SPICE1: variants seen among roughly 807,000 people sequenced by gnomAD.
SPICE1 encodes the protein spindle and centriole associated protein 1, also known as spindle and centriole-associated protein 1.
Under a neutral mutation model 102.7 loss-of-function variants are expected in SPICE1, and 75 were observed. The ratio of observed to expected loss-of-function variants is 0.73; its 90% CI spans 0.61 to 0.88. SPICE1 has a LOEUF of 0.88. SPICE1 is among the 40% of genes least tolerant of loss of function. The pLI is 0.00. For missense variants in SPICE1, 979 were observed against 1,020.1 expected (o/e 0.96, Z 0.55); for synonymous variants, 308 against 350.3 (o/e 0.88, Z 1.35).
chr3:113,460,177 T>A (rs895151419), intron 12 of SPICE1: 2 of 985,328 alleles, frequency 2.0e-6, no homozygotes, highest in Non-Finnish European at 2.4e-6. Flanking sequence ...ACAAAAGTTA[T>A]GAATTTCTAA....
rs917258539 is a variant in SPICE1 at position 113,445,127 on chromosome 3, T to G, written c.*180A>C. On this transcript the variant is annotated 3_prime_UTR_variant, in exon 18 of 18. Coordinates refer to ENST00000295872, the MANE Select transcript of SPICE1 (RefSeq NM_144718.4). ...CACAGGGAGCTGTAGGTCAGTTGGT[T>G]GTTGAAAACTTATTTGAGAAAGTCA... 1.3e-5 allele frequency: 6 copies of G among 467,054 alleles called. No homozygotes were observed. The highest frequency in any genetic ancestry group is 1.2e-4 in the African/African-American group (6 of 50,268). 28.9% of individuals were successfully genotyped at this position (467,054 alleles called of 1,614,324 possible).
rs1460017390 is a variant in SPICE1 at position 113,457,160 on chromosome 3, A to C, written c.1633T>G (p.Leu545Val). 1.9e-6 allele frequency: 3 copies of C among 1,614,200 alleles called. No homozygotes were observed. Among genetic ancestry groups the C allele is most frequent in the Non-Finnish European group, 2.5e-6 (3 of 1,180,038 alleles). ...CCGTCCTGAAGAGGAGAGAATTTTAAGTTGCTCTTCTGCCTGGGTGGTGTT... is the reference window on the plus strand; with the variant it reads ...CCGTCCTGAAGAGGAGAGAATTTTACGTTGCTCTTCTGCCTGGGTGGTGTT... ...LLTPPRQKSN[L>V]KFSPLQDVLR... Residue 545 changes from leucine (L) to valine (V), a missense_variant, in exon 13 of 18, where the codon TTA becomes GTA. Transcript: ENST00000295872.
At chr3:113,474,062 C>A in intron 7 of SPICE1, among the ~76,000 whole-genome samples, 1 of 151,964 alleles carries the variant, frequency 6.6e-6, no homozygotes, top group Admixed American at 6.5e-5. Context: ...CAGAGACACA[C>A]ATAGGCTCAA....
chr3:113,507,598 T>C (rs1348255570), intron 1 of SPICE1, among the ~76,000 whole-genome samples: 1 of 152,120 alleles, frequency 6.6e-6, no homozygotes, highest in East Asian at 1.9e-4. Context: ...AACAAGAACA[T>C]TCACTCCTTA....
intron 7 of SPICE1, among the ~76,000 whole-genome samples, chr3:113,471,585 G>A (rs964063669): frequency 5.9e-5 from 9 of 152,276 alleles, no homozygotes; most frequent in African/African-American, 2.2e-4. Flanking sequence ...GTTGTTTTAA[G>A]CCACCAAACT....
intron 7 of SPICE1, among the ~76,000 whole-genome samples, chr3:113,479,388 G>T (rs1166189688): frequency 3.3e-5 from 5 of 151,644 alleles, no homozygotes; most frequent in Non-Finnish European, 5.9e-5. Flanking sequence ...TTGGACATTT[G>T]GGTTGGTTCC....
In SPICE1 at chr3:113,443,656, G is replaced by T. The variant is rs928844523; in HGVS notation, c.*1651C>A. On this transcript the variant is annotated 3_prime_UTR_variant, in exon 18 of 18. Transcript: ENST00000295872. ...CCATACTACACACACTGTAAAACAG[G>T]TTTACTCTCCAACAAGAGGCAGCAC... is the stretch of plus-strand genomic sequence containing the variant. 6.6e-6 allele frequency: 1 copy of T among 152,138 alleles called. No individual in the cohort carries two copies. Among genetic ancestry groups the T allele is most frequent in the African/African-American group, 2.4e-5 (1 of 41,416 alleles). The allele number at this position is 152,138 out of a possible 1,614,324, so 9.4% of individuals were successfully genotyped here. A position where few individuals can be genotyped will look rare whatever the true frequency, so the allele number is the denominator to read the frequency against.
intron 13 of SPICE1, 59 bp from the exon 14 acceptor site, chr3:113,454,009 T>C: frequency 2.1e-6 from 3 of 1,428,774 alleles, no homozygotes; most frequent in Non-Finnish European, 2.8e-6. Flanking sequence ...ATTGGCACTA[T>C]ACTCATTTCA....
intron 4 of SPICE1, among the ~76,000 whole-genome samples, chr3:113,495,065 GT>G (rs1553769911): frequency 6.6e-6 from 1 of 152,122 alleles, no homozygotes; most frequent in African/African-American, 2.4e-5. Flanking sequence ...AAACAAATCA[GT>G]TTTTTACCCT....
chr3:113,443,373 C>A lies in SPICE1; in HGVS notation c.*1934G>T, dbSNP rs1324890206. The A allele has an allele frequency of 1.3e-5, 2 of 152,166 alleles. No homozygotes were observed. Among genetic ancestry groups the A allele is most frequent in the Non-Finnish European group, 2.9e-5 (2 of 68,042 alleles). The allele number at this position is 152,166 out of a possible 1,614,324, so 9.4% of individuals were successfully genotyped here. On this transcript the variant is annotated 3_prime_UTR_variant, in exon 18 of 18. Transcript: ENST00000295872. Reference sequence around the variant, plus strand: ...TAGTTCCCGTAAATTAGGAGAAATCCAGTAACTGCAAGAAAGAGCTTCAAG... The same window carrying A: ...TAGTTCCCGTAAATTAGGAGAAATCAAGTAACTGCAAGAAAGAGCTTCAAG...
rs1935479484 is a variant in SPICE1, at chr3:113,445,021, T to C, written c.*286A>G. ...CTGAATAAAGATAAAGGTAAAAATG[T>C]ATTAATAAAAAAAACCCTTAAAATA... On this transcript the variant is annotated 3_prime_UTR_variant, in exon 18 of 18. Coordinates refer to ENST00000295872, the MANE Select transcript of SPICE1 (RefSeq NM_144718.4). The C allele has an allele frequency of 8.9e-6, 2 of 224,238 alleles. No homozygotes were observed. The highest frequency in any genetic ancestry group is 1.7e-5 in the Non-Finnish European group (2 of 116,206). The allele number at this position is 224,238 out of a possible 1,614,324, so 13.9% of individuals were successfully genotyped here. A position where few individuals can be genotyped will look rare whatever the true frequency, so the allele number is the denominator to read the frequency against.
intron 2 of SPICE1, among the ~76,000 whole-genome samples, chr3:113,504,324 G>A (rs967829406): frequency 4.0e-5 from 6 of 150,108 alleles, no homozygotes; most frequent in Non-Finnish European, 7.4e-5. Context: ...CGAGGAATAC[G>A]AACAGTCAAA....
chr3:113,482,805 C>T (rs936307692), intron 7 of SPICE1, among the ~76,000 whole-genome samples: 8 of 152,192 alleles, frequency 5.3e-5, no homozygotes, highest in South Asian at 2.1e-4. Flanking sequence ...TTGGTTACTG[C>T]AGCCTTGTAG....
chr3:113,488,425 C>A (rs1485889693), intron 7 of SPICE1, among the ~76,000 whole-genome samples: 1 of 151,862 alleles, frequency 6.6e-6, no homozygotes, highest in Non-Finnish European at 1.5e-5. Context: ...CACTCACACA[C>A]AAAAAAAATA....
chr3:113,510,766 T>C (rs577681301), intron 1 of SPICE1, among the ~76,000 whole-genome samples: 1 of 152,230 alleles, frequency 6.6e-6, no homozygotes, highest in East Asian at 1.9e-4. Context: ...ACTTAACAAA[T>C]GGAATCCAAT....
In SPICE1 at chr3:113,493,394, A is replaced by G. The variant is rs1229401335; in HGVS notation, c.386-82T>C. ...AAGCTCTATACTGCCATTGGTTTGC[A>G]TCATCATATGAAAATCTTAAACAGC... is the stretch of plus-strand genomic sequence containing the variant. On this transcript the variant is annotated intron_variant, in intron 5 of 17. Coordinates refer to ENST00000295872, the MANE Select transcript of SPICE1 (RefSeq NM_144718.4). The G allele has an allele frequency of 2.3e-5, 25 of 1,071,922 alleles. 1 individual carries two copies. The highest frequency in any genetic ancestry group is 3.5e-5 in the Non-Finnish European group (25 of 708,016). 66.4% of individuals were successfully genotyped at this position (1,071,922 alleles called of 1,614,324 possible). A position where few individuals can be genotyped will look rare whatever the true frequency, so the allele number is the denominator to read the frequency against.
rs1935421995 is a variant in SPICE1 at position 113,442,992 on chromosome 3, C to A, written c.*2315G>T. The A allele has an allele frequency of 6.6e-6, 1 of 152,068 alleles. No individual in the cohort carries two copies. Among genetic ancestry groups the A allele is most frequent in the South Asian group, 2.1e-4 (1 of 4,824 alleles). 9.4% of individuals were successfully genotyped at this position (152,068 alleles called of 1,614,324 possible). On this transcript the variant is annotated 3_prime_UTR_variant, in exon 18 of 18. Coordinates refer to ENST00000295872, the MANE Select transcript of SPICE1 (RefSeq NM_144718.4). ...TCTAGACATCTTTTCAGGTGAAATA[C>A]CTCTAAATTTCAAGCACTGTGTGCA...
chr3:113,507,926 A>G (rs1474862130), intron 1 of SPICE1, among the ~76,000 whole-genome samples: 1 of 152,190 alleles, frequency 6.6e-6, no homozygotes, highest in Non-Finnish European at 1.5e-5. Context: ...CAGAGCCATA[A>G]GTACCATTTA....
chr3:113,492,565 T>C (rs1936788532), intron 6 of SPICE1, among the ~76,000 whole-genome samples: 1 of 152,186 alleles, frequency 6.6e-6, no homozygotes, highest in African/African-American at 2.4e-5. Flanking sequence ...TGCAAGTTTC[T>C]TGTGAAGCTA....
Sources: allele counts gnomAD v4.1 joint callset (sites outside exome capture counted in the v4.1 genomes callset), GRCh38; gene constraint gnomAD v4.1.1; transcripts MANE v1.5; gene names NCBI Gene and HGNC (gene_info 2026-07-23, HGNC 2026-07-21).